The following ACACA variants were observed in gnomAD, a reference collection of about 807,000 sequenced individuals.
ACACA encodes acetyl-CoA carboxylase alpha.
ACACA carries 103 observed loss-of-function variants against 296.1 expected under a neutral mutation model. That is an observed-to-expected ratio of 0.35 (90% CI 0.30 to 0.41). ACACA has a LOEUF of 0.41. Among genes scored for constraint, ACACA ranks in the 10% least tolerant of loss-of-function variants. The pLI is 1.00. For synonymous variants in ACACA, 953 were observed against 1,038.6 expected (o/e 0.92, Z 1.58); for missense variants, 1,554 against 2,989.7 (o/e 0.52, Z 11.20).
At position 37,177,694 on chromosome 17, in the gene ACACA, C is replaced by T. The variant is rs76900692; in HGVS notation, c.5079+1566G>A. On this transcript the variant is annotated intron_variant, in intron 41 of 55. Coordinates refer to ENST00000616317, the MANE Select transcript of ACACA (RefSeq NM_198834.3). ...TCTAGCACAATGAAGCTTTTCTTTGCTGCTGAGGGGCTCACTAGGCAGATG... is the reference window on the plus strand; with the variant it reads ...TCTAGCACAATGAAGCTTTTCTTTGTTGCTGAGGGGCTCACTAGGCAGATG... 1.6e-3 allele frequency among the ~76,000 whole-genome samples: 244 copies of T among 152,362 alleles called. 1 individual carries two copies. Among genetic ancestry groups the T allele is most frequent in the African/African-American group, 5.7e-3 (237 of 41,588 alleles).
chr17:37,140,382 T>C (rs1353583141), intron 45 of ACACA, among the ~76,000 whole-genome samples: 2 of 152,150 alleles, frequency 1.3e-5, no homozygotes, highest in East Asian at 1.9e-4. Flanking sequence ...ATTTTATATA[T>C]AATACCCTAA....
chr17:37,191,260 A>G lies in ACACA; in HGVS notation c.4432T>C (p.Tyr1478His). The G allele has an allele frequency of 6.2e-7, 1 of 1,614,062 alleles. No homozygotes were observed. ...DLVTKEASFE[Y>H]LQNEGERLLL... ...AGCCGCTCCCCTTCATTTTGCAGAT[A>G]TTCAAAAGAAGCTTCCTATACAGGA... The change falls in exon 38 of 56, where the codon TAT becomes CAT. Residue 1478 changes from tyrosine to histidine, a missense_variant. Physicochemically the swap from Tyr to His is moderately conservative, Grantham distance 83. Transcript: ENST00000616317.
Position 37,191,162 on chromosome 17 carries a change from G to A in ACACA, c.4530C>T (p.Ile1510=), listed in dbSNP as rs2077734675. 1.2e-6 allele frequency: 2 copies of A among 1,614,016 alleles called. No individual in the cohort carries two copies. The highest frequency in any genetic ancestry group is 2.7e-5 in the African/African-American group (2 of 74,910). The change falls in exon 38 of 56, where the codon ATC becomes ATT. Residue 1510 remains isoleucine, a synonymous_variant. Transcript: ENST00000616317. ...TAACCGTGGGCACAAAGTTGAGGAA[G>A]ATGTGGTTACAGTCAGTGCGGACAT... is the stretch of plus-strand genomic sequence containing the variant. ...NTNVRTDCNH[I]FLNFVPTVIM...
rs868347269 is a variant in ACACA, at chr17:37,321,476, G to A, written c.338+8697C>T. On this transcript the variant is annotated intron_variant, in intron 3 of 55. Transcript: ENST00000616317. ...CTAAAACTACAAAACGTGGCCGGGT[G>A]CGGTGGCTCACGTCTGTAATCTCAG... Among the ~76,000 whole-genome samples, 5 of 152,274 alleles carry A rather than the reference G, an allele frequency of 3.3e-5. No individual in the cohort carries two copies. In the Middle Eastern group the frequency reaches 0.014, roughly 414 times the overall value.
At chr17:37,291,044 T>TA (rs1434107199) in intron 3 of ACACA, among the ~76,000 whole-genome samples, 23 of 128,010 alleles carry the variant, frequency 1.8e-4, no homozygotes. Flanking sequence ...ATCACGCCAC[T>TA]ACACTCCAGC....
chr17:37,178,007 T>A (rs933406558), intron 41 of ACACA, among the ~76,000 whole-genome samples: 5 of 152,204 alleles, frequency 3.3e-5, no homozygotes, highest in African/African-American at 1.2e-4. Context: ...AACTGCTTAT[T>A]ATTTCCAAAG....
intron 10 of ACACA, 101 bp from the exon 11 acceptor site, chr17:37,263,995 G>A: frequency 1.1e-6 from 1 of 927,988 alleles, no homozygotes; most frequent in South Asian, 1.4e-5. Flanking sequence ...ATGTCCAGAA[G>A]TGTCAGGAAC....
intron 1 of ACACA, among the ~76,000 whole-genome samples, chr17:37,390,641 A>T (rs2050841533): frequency 6.6e-6 from 1 of 150,938 alleles, no homozygotes; most frequent in African/African-American, 2.4e-5. Context: ...AGAGAGAAAA[A>T]AAAAAAAGCC....
At chr17:37,212,737 T>C (rs1013491701) in intron 29 of ACACA, among the ~76,000 whole-genome samples, 6 of 151,842 alleles carry the variant, frequency 4.0e-5, no homozygotes, top group African/African-American at 1.5e-4. Context: ...GTGATCCTCC[T>C]ATCTCAGCCT....
Position 37,246,694 on chromosome 17 carries a change from A to G in ACACA, c.2460+132T>C, listed in dbSNP as rs546679832. ...GCGATCTTCCTGCCTCAGCCTCCCAAAGTGGTAGGATTACAGGCACAAGCC... is the reference window on the plus strand; with the variant it reads ...GCGATCTTCCTGCCTCAGCCTCCCAGAGTGGTAGGATTACAGGCACAAGCC... On this transcript the variant is annotated intron_variant, in intron 19 of 55. Transcript: ENST00000616317. 2.9e-4 allele frequency: 364 copies of G among 1,238,568 alleles called. 1 individual carries two copies. The highest frequency in any genetic ancestry group is 1.3e-3 in the South Asian group (105 of 81,150). The allele number at this position is 1,238,568 out of a possible 1,614,324, so 76.7% of individuals were successfully genotyped here.
intron 3 of ACACA, among the ~76,000 whole-genome samples, chr17:37,304,982 C>T (rs2083803931): frequency 6.6e-6 from 1 of 152,000 alleles, no homozygotes; most frequent in African/African-American, 2.4e-5. Context: ...ATTATTTAAA[C>T]ATGTTTTCCT....
intron 45 of ACACA, among the ~76,000 whole-genome samples, chr17:37,146,793 CA>C (rs970481773): frequency 3.3e-5 from 5 of 150,140 alleles, no homozygotes. Flanking sequence ...GCATCAAGAA[CA>C]AAAAAAAATT....
At chr17:37,318,755 T>C (rs1049721798) in intron 3 of ACACA, among the ~76,000 whole-genome samples, 5 of 152,194 alleles carry the variant, frequency 3.3e-5, no homozygotes, top group African/African-American at 1.2e-4. Context: ...CACATTTTAC[T>C]ATTCCAAAAG....
At chr17:37,238,533 C>T (rs1414940249) in intron 24 of ACACA, among the ~76,000 whole-genome samples, 3 of 151,974 alleles carry the variant, frequency 2.0e-5, no homozygotes, top group South Asian at 2.1e-4. Flanking sequence ...AATCTTTTCA[C>T]CTTGTATTTC....
At chr17:37,237,908 C>T (rs919987245) in intron 24 of ACACA, among the ~76,000 whole-genome samples, 2 of 152,094 alleles carry the variant, frequency 1.3e-5, no homozygotes, top group Admixed American at 6.5e-5. Flanking sequence ...ACTACAGGCA[C>T]ATAACACTAC....
intron 29 of ACACA, among the ~76,000 whole-genome samples, chr17:37,216,125 AAC>A (rs745794412): frequency 0.015 from 1,899 of 124,408 alleles, 13 homozygotes; most frequent in Non-Finnish European, 0.022. Flanking sequence ...TAAAAAAGGA[AAC>A]ACACACACAC....
intron 3 of ACACA, among the ~76,000 whole-genome samples, chr17:37,308,330 T>C (rs1291703794): frequency 2.0e-5 from 3 of 152,018 alleles, no homozygotes; most frequent in African/African-American, 7.3e-5. Flanking sequence ...AATACAGAGA[T>C]GAAGAGATGG....
At chr17:37,105,600 C>T (rs1039651646) in intron 52 of ACACA, among the ~76,000 whole-genome samples, 1 of 152,174 alleles carries the variant, frequency 6.6e-6, no homozygotes, top group African/African-American at 2.4e-5. Flanking sequence ...CACGGTGGCT[C>T]ATGCCTGTAA....
Position 37,283,187 on chromosome 17 carries a change from T to C in ACACA, c.610+80A>G, listed in dbSNP as rs892793633. The C allele has an allele frequency of 5.8e-6, 9 of 1,557,610 alleles. No homozygotes were observed. The Admixed American group carries it at 1.2e-4, about 20-fold the overall frequency. On this transcript the variant is annotated intron_variant, in intron 5 of 55. Transcript: ENST00000616317. ...TCCTATGTTTGGGAATCCCCCTAAG[T>C]TAACATTCTCCTACTTAAAGGCTGT...
Sources: allele counts gnomAD v4.1 joint callset (sites outside exome capture counted in the v4.1 genomes callset), GRCh38; gene constraint gnomAD v4.1.1; transcripts MANE v1.5; gene names NCBI Gene and HGNC (gene_info 2026-07-23, HGNC 2026-07-21).